The following ANK3 variants were observed in gnomAD, a reference collection of about 807,000 sequenced individuals.
ANK3 encodes the protein ankyrin-3.
ANK3 carries 57 observed loss-of-function variants against 370.9 expected under a neutral mutation model. The ratio of observed to expected loss-of-function variants is 0.15; its 90% CI spans 0.12 to 0.19. The LOEUF (loss-of-function observed/expected upper bound fraction) is 0.19. ANK3 is among the 10% of genes least tolerant of loss of function. ANK3 has a pLI of 1.00. For synonymous variants in ANK3, 1,929 were observed against 1,946.3 expected, an observed-to-expected ratio of 0.99 and a Z score of 0.23; for missense variants, 4,439 against 5,302.1, an observed-to-expected ratio of 0.84 and a Z score of 5.06.
chr10:60,595,689 G>T (rs1453117973), intron 2 of ANK3, among the ~76,000 whole-genome samples: 1 of 152,056 alleles, frequency 6.6e-6, no homozygotes, highest in Non-Finnish European at 1.5e-5. Context: ...AACTAGAAGG[G>T]GGTTTATTTT....
chr10:60,442,912 G>A (rs1254312662), intron 2 of ANK3, among the ~76,000 whole-genome samples: 4 of 152,134 alleles, frequency 2.6e-5, no homozygotes, highest in Non-Finnish European at 5.9e-5. Context: ...TTCAAACTTA[G>A]ACTGCTAAAT....
chr10:60,220,212 T>A (rs2097021951), intron 8 of ANK3, among the ~76,000 whole-genome samples: 3 of 152,076 alleles, frequency 2.0e-5, no homozygotes, highest in Non-Finnish European at 2.9e-5. Flanking sequence ...TTTTATGAAC[T>A]AAAAGGTCAA....
At position 60,091,449 on chromosome 10, in the gene ANK3, G is replaced by A. The variant is rs980845102; in HGVS notation, c.3329-3091C>T. On this transcript the variant is annotated intron_variant, in intron 28 of 43. Transcript: ENST00000280772. The stretch of plus-strand genomic sequence containing the variant: ...CACATGGAAATTTTATTCTAATAGG[G>A]GATAAAGGGGGTAGATACATCACTA... 2.3e-3 allele frequency among the ~76,000 whole-genome samples: 5 copies of A among 2,200 alleles called. No homozygotes were observed. In the Admixed American group the frequency reaches 0.038, roughly 17 times the overall value. The allele number at this position is 2,200 out of a possible 152,430, so 1.4% of individuals were successfully genotyped here. A position where few individuals can be genotyped will look rare whatever the true frequency, so the allele number is the denominator to read the frequency against.
intron 1 of ANK3, among the ~76,000 whole-genome samples, chr10:60,728,722 T>C (rs188176780): frequency 1.4e-4 from 21 of 152,302 alleles, no homozygotes; most frequent in Admixed American, 2.0e-4. Flanking sequence ...GAACGGGGAC[T>C]TCATTCCTTG....
At chr10:60,612,683 G>C (rs2078217003) in intron 2 of ANK3, among the ~76,000 whole-genome samples, 1 of 152,042 alleles carries the variant, frequency 6.6e-6, no homozygotes, top group Non-Finnish European at 1.5e-5. Context: ...AGTAGAGATG[G>C]GGTTTCACCG....
At chr10:60,172,257 C>T in intron 21 of ANK3, 51 bp downstream of exon 21, 1 of 1,449,526 alleles carries the variant, frequency 6.9e-7, no homozygotes, top group Non-Finnish European at 9.6e-7. Context: ...CCCAAGAAAA[C>T]TGGCTGAAAG....
At chr10:60,079,823 G>A (rs1488068877) in intron 36 of ANK3, among the ~76,000 whole-genome samples, 1 of 152,030 alleles carries the variant, frequency 6.6e-6, no homozygotes, top group African/African-American at 2.4e-5. Flanking sequence ...GGAGGAGGCA[G>A]ACAGAAAGAG....
At chr10:60,503,470 A>G (rs1328960846) in intron 2 of ANK3, among the ~76,000 whole-genome samples, 2 of 152,186 alleles carry the variant, frequency 1.3e-5, no homozygotes, top group Non-Finnish European at 2.9e-5. Context: ...ACAGATTCAG[A>G]AACTGAGGCT....
At chr10:60,472,421 T>G (rs1298029500) in intron 2 of ANK3, among the ~76,000 whole-genome samples, 1 of 152,202 alleles carries the variant, frequency 6.6e-6, no homozygotes, top group African/African-American at 2.4e-5. Flanking sequence ...TAATTTACTG[T>G]ATTCATTAGG....
chr10:60,048,688 A>G (rs1288174034), intron 42 of ANK3, among the ~76,000 whole-genome samples: 1 of 152,062 alleles, frequency 6.6e-6, no homozygotes, highest in Non-Finnish European at 1.5e-5. Flanking sequence ...TTATTGTTTT[A>G]TTTTCTCAAG....
At chr10:60,095,501 C>G (rs1377192075) in intron 28 of ANK3, among the ~76,000 whole-genome samples, 1 of 152,152 alleles carries the variant, frequency 6.6e-6, no homozygotes, top group East Asian at 1.9e-4. Flanking sequence ...CCACTTCAGC[C>G]TCCTGAGTAG....
chr10:60,055,959 G>C lies in ANK3; in HGVS notation c.12764C>G (p.Thr4255Arg), dbSNP rs748955659. 2.5e-6 allele frequency: 4 copies of C among 1,613,982 alleles called. No individual in the cohort carries two copies. The highest frequency in any genetic ancestry group is 1.1e-5 in the South Asian group (1 of 91,074). Residue 4255 changes from threonine to arginine, a missense_variant, in exon 42 of 44, where the codon ACA (threonine) becomes AGA (arginine). Transcript: ENST00000280772. Reference sequence around the variant, plus strand: ...TGTCTTTGCTTCTGGAGTGATTTCTGTATGGCTTCCATTTGCTTCAAATTT... The same window carrying C: ...TGTCTTTGCTTCTGGAGTGATTTCTCTATGGCTTCCATTTGCTTCAAATTT... Reference protein sequence around the residue: ...AGKFEANGSHTEITPEAKTKS... With the variant: ...AGKFEANGSHREITPEAKTKS...
chr10:60,595,966 CTGAT>C (rs2077983069), intron 2 of ANK3, among the ~76,000 whole-genome samples: 1 of 152,076 alleles, frequency 6.6e-6, no homozygotes, highest in South Asian at 2.1e-4. Flanking sequence ...CACAAGAGGC[CTGAT>C]TGACAGTTCA....
At chr10:60,540,576 G>A (rs1374413094) in intron 2 of ANK3, among the ~76,000 whole-genome samples, 2 of 151,912 alleles carry the variant, frequency 1.3e-5, no homozygotes, top group Admixed American at 6.6e-5. Flanking sequence ...TCAGCTAAGA[G>A]AAAGCATGGT....
At chr10:60,535,728 C>T (rs1430872430) in intron 2 of ANK3, among the ~76,000 whole-genome samples, 2 of 151,896 alleles carry the variant, frequency 1.3e-5, no homozygotes, top group Non-Finnish European at 2.9e-5. Context: ...AAATCTTATT[C>T]ATTGCACATT....
chr10:60,158,677 C>CTTTTTTCTTT (rs1464394613), intron 23 of ANK3, among the ~76,000 whole-genome samples: 1 of 49,280 alleles, frequency 2.0e-5, no homozygotes, highest in Non-Finnish European at 3.5e-5. Flanking sequence ...AGAGAAAGCA[C>CTTTTTTCTTT]TTTTTTTCTT....
chr10:60,072,335 T>C lies in ANK3; in HGVS notation c.8546A>G (p.Lys2849Arg). The C allele has an allele frequency of 6.2e-7, 1 of 1,613,996 alleles. No homozygotes were observed. Among genetic ancestry groups the C allele is most frequent in the Non-Finnish European group, 8.5e-7 (1 of 1,179,988 alleles). The change falls in exon 37 of 44, where the codon AAA becomes AGA. Residue 2849 changes from lysine to arginine, a missense_variant. Lys to Arg is a conservative substitution (Grantham distance 26, BLOSUM62 2). Transcript: ENST00000280772. ...ACTCTCCCATGTTCTAAAGACCTTT[T>C]TGTCCCATGGTCCCCTAGTTGCTAA... ...SDLATRGPWD[K>R]KVFRTWESSG...
At position 60,270,111 on chromosome 10, in the gene ANK3, G is replaced by GA; in HGVS notation, c.513+19_513+20insT. 1 of 1,499,840 alleles carries GA rather than the reference G, an allele frequency of 6.7e-7. No individual in the cohort carries two copies. The highest frequency in any genetic ancestry group is 9.0e-7 in the Non-Finnish European group (1 of 1,115,154). 92.9% of individuals were successfully genotyped at this position (1,499,840 alleles called of 1,614,324 possible). On this transcript the variant is annotated intron_variant, in intron 5 of 43. Transcript: ENST00000280772. The stretch of plus-strand genomic sequence containing the variant: ...CTATAAATACGTGAACTCACCCACA[G>GA]GAAAAAAACAGTATCTTACCTCTGT...
At chr10:60,675,547 C>T (rs898693148) in intron 1 of ANK3, among the ~76,000 whole-genome samples, 2 of 152,194 alleles carry the variant, frequency 1.3e-5, no homozygotes, top group African/African-American at 2.4e-5. Context: ...CTATAGCATG[C>T]ACAAAACTGA....
Sources: gnomAD v4.1 joint callset for allele counts (sites outside exome capture counted in the v4.1 genomes callset) on GRCh38, gnomAD v4.1.1 for gene constraint, MANE v1.5 for transcripts, NCBI Gene and HGNC (gene_info 2026-07-23, HGNC 2026-07-21) for gene names.